The following CGNL1 variants were observed in gnomAD, a reference collection of about 807,000 sequenced individuals.
CGNL1 encodes cingulin like 1, also known as cingulin-like protein 1.
Under a neutral mutation model 141.2 loss-of-function variants are expected in CGNL1, and 132 were observed. The observed-to-expected ratio is 0.93, with a 90% CI of 0.81 to 1.08. CGNL1 has a LOEUF of 1.08. Among genes scored for constraint, CGNL1 ranks in the 50% least tolerant of loss-of-function variants. The pLI is 0.00. For synonymous variants in CGNL1, 690 were observed against 622.1 expected (o/e 1.11, Z -1.63); for missense variants, 1,870 against 1,588.6 (o/e 1.18, Z -3.01).
At chr15:57,496,895 C>T (rs1318875810) in intron 8 of CGNL1, among the ~76,000 whole-genome samples, 1 of 152,166 alleles carries the variant, frequency 6.6e-6, no homozygotes, top group East Asian at 1.9e-4. Flanking sequence ...CAGATGGGTG[C>T]TGATAGACTC....
chr15:57,463,830 C>A (rs1441659833), intron 8 of CGNL1, among the ~76,000 whole-genome samples: 1 of 152,192 alleles, frequency 6.6e-6, no homozygotes, highest in Admixed American at 6.5e-5. Context: ...GCTTTGCCAT[C>A]TGAACAGGCT....
chr15:57,488,523 G>C lies in CGNL1; in HGVS notation c.2403+26631G>C, dbSNP rs2063815643. On this transcript the variant is annotated intron_variant, in intron 8 of 18. Transcript: ENST00000281282. ...GTCGAGTGAGAAGTGAGCAGAACTG[G>C]TGTAGGGACTGCTTCTACTGAAGGG... Among the ~76,000 whole-genome samples the C allele has an allele frequency of 3.3e-5, 5 of 152,296 alleles. No homozygotes were observed. In the South Asian group the frequency reaches 1.0e-3, roughly 32 times the overall value.
intron 1 of CGNL1, among the ~76,000 whole-genome samples, chr15:57,377,800 G>A (rs2062381686): frequency 6.6e-6 from 1 of 150,808 alleles, no homozygotes; most frequent in East Asian, 1.9e-4. Flanking sequence ...AAAACCAAGT[G>A]ATAATTTGAC....
In CGNL1 at chr15:57,546,275, T is replaced by A. The variant is rs749823131; in HGVS notation, c.3773+36T>A. On this transcript the variant is annotated intron_variant, in intron 18 of 18. Transcript: ENST00000281282. ...GTGGAGGCCACAGAGGGCCGGGTAA[T>A]CTCCCCACAGTTGAGACAGGCTCTG... 10 of 1,535,018 alleles carry A rather than the reference T, an allele frequency of 6.5e-6. No individual in the cohort carries two copies. In the South Asian group the frequency reaches 9.8e-5, roughly 15 times the overall value.
Position 57,524,641 on chromosome 15 carries a change from G to A in CGNL1, c.2929G>A (p.Glu977Lys). 8.1e-6 allele frequency: 13 copies of A among 1,614,146 alleles called. No homozygotes were observed. Among genetic ancestry groups the A allele is most frequent in the Non-Finnish European group, 9.3e-6 (11 of 1,179,974 alleles). The stretch of plus-strand genomic sequence containing the variant: ...CCTGGAGCTCCAGAACCAGCTGGAT[G>A]AGTATAAGGAGAAAAACCGCAGGGA... ...STLELQNQLD[E>K]YKEKNRRELA... Residue 977 changes from glutamate to lysine, a missense_variant, in exon 12 of 19, where the codon GAG becomes AAG. Physicochemically the swap from Glu to Lys is moderately conservative, Grantham distance 56. Coordinates refer to ENST00000281282, the MANE Select transcript of CGNL1 (RefSeq NM_032866.5).
chr15:57,527,613 C>T (rs1334508049), intron 12 of CGNL1: 1 of 152,262 alleles, frequency 6.6e-6, no homozygotes, highest in Non-Finnish European at 1.5e-5. Context: ...TAGAGAAGTT[C>T]AAGACACTGA....
At chr15:57,503,240 C>T (rs1324486385) in intron 8 of CGNL1, among the ~76,000 whole-genome samples, 1 of 152,222 alleles carries the variant, frequency 6.6e-6, no homozygotes, top group Non-Finnish European at 1.5e-5. Context: ...TCCTCCTACT[C>T]CTGATGAGGT....
Position 57,431,713 on chromosome 15 carries a change from C to G in CGNL1, c.-15-6272C>G, listed in dbSNP as rs113146200. Among the ~76,000 whole-genome samples, 12 of 143,094 alleles carry G rather than the reference C, an allele frequency of 8.4e-5. 2 individuals are homozygous for G. The highest frequency in any genetic ancestry group is 3.1e-4 in the African/African-American group (12 of 39,014). The allele number at this position is 143,094 out of a possible 152,430, so 93.9% of individuals were successfully genotyped here. On this transcript the variant is annotated intron_variant, in intron 1 of 18. Transcript: ENST00000281282. ...AGCAAATTCGTAAACATTCTTAAAA[C>G]ATTTTGAGTTTTTTTTGTAATTTTT...
intron 1 of CGNL1, among the ~76,000 whole-genome samples, chr15:57,400,896 A>G (rs1242071260): frequency 6.6e-6 from 1 of 151,018 alleles, no homozygotes; most frequent in Non-Finnish European, 1.5e-5. Context: ...TTAAAAAAAA[A>G]AAAAAAAAAA....
At chr15:57,519,483 A>G (rs554902968) in intron 10 of CGNL1, among the ~76,000 whole-genome samples, 1 of 151,378 alleles carries the variant, frequency 6.6e-6, no homozygotes, top group Non-Finnish European at 1.5e-5. Context: ...TAGCTTGGGG[A>G]CTCTCCCCCA....
chr15:57,420,875 A>G (rs1423130195), intron 1 of CGNL1, among the ~76,000 whole-genome samples: 2 of 152,252 alleles, frequency 1.3e-5, no homozygotes, highest in African/African-American at 4.8e-5. Flanking sequence ...TGGTGGCTCC[A>G]TGCTGCTGGA....
intron 1 of CGNL1, among the ~76,000 whole-genome samples, chr15:57,423,417 G>C (rs1487699469): frequency 2.1e-5 from 3 of 143,148 alleles, no homozygotes; most frequent in African/African-American, 7.9e-5. Flanking sequence ...GTGTGGGATG[G>C]GTATCTGTTT....
chr15:57,440,109 T>TAA (rs34790913), intron 2 of CGNL1, among the ~76,000 whole-genome samples: 2,844 of 142,854 alleles, frequency 0.02, 37 homozygotes, highest in East Asian at 0.046. Context: ...GATAAAATGG[T>TAA]AAAAAAAAAA....
chr15:57,405,803 TTTCTTTCC>T (rs748473788), intron 1 of CGNL1, among the ~76,000 whole-genome samples: 1,573 of 125,416 alleles, frequency 0.013, 21 homozygotes, highest in Admixed American at 0.031. Flanking sequence ...TCTTTCTTTC[TTTCTTTCC>T]TTCTTTCTTT....
intron 12 of CGNL1, among the ~76,000 whole-genome samples, chr15:57,527,934 G>A (rs543925356): frequency 6.6e-6 from 1 of 152,142 alleles, no homozygotes; most frequent in Non-Finnish European, 1.5e-5. Flanking sequence ...AGGGGCTCTC[G>A]AGAGGTTTTA....
At chr15:57,530,778 G>A (rs959639355) in intron 13 of CGNL1, among the ~76,000 whole-genome samples, 6 of 152,194 alleles carry the variant, frequency 3.9e-5, no homozygotes, top group Non-Finnish European at 8.8e-5. Context: ...AGAATCCTGG[G>A]TGTTTTATTG....
chr15:57,467,396 G>A (rs558321719), intron 8 of CGNL1, among the ~76,000 whole-genome samples: 33 of 152,206 alleles, frequency 2.2e-4, no homozygotes, highest in African/African-American at 7.9e-4. Flanking sequence ...GGACATTTTG[G>A]GTACTGAGTA....
chr15:57,532,667 A>G (rs1226523285), intron 14 of CGNL1, among the ~76,000 whole-genome samples: 1 of 152,232 alleles, frequency 6.6e-6, no homozygotes, highest in Non-Finnish European at 1.5e-5. Flanking sequence ...TTGAACGTGA[A>G]TGCTTCATAG....
chr15:57,439,156 C>T lies in CGNL1; in HGVS notation c.1157C>T (p.Ser386Phe), dbSNP rs1248584535. The T allele has an allele frequency of 6.2e-7, 1 of 1,614,146 alleles. No individual in the cohort carries two copies. The highest frequency in any genetic ancestry group is 8.5e-7 in the Non-Finnish European group (1 of 1,180,014). Reference sequence around the variant, plus strand: ...ATTAATACAGATGACAGGAAAAGATCCAGAAGCGTGGATAGCGCCTTTCCT... The same window carrying T: ...ATTAATACAGATGACAGGAAAAGATTCAGAAGCGTGGATAGCGCCTTTCCT... ...NRINTDDRKR[S>F]RSVDSAFPFG... Residue 386 changes from serine to phenylalanine, a missense_variant, in exon 2 of 19, where the codon TCC (serine) becomes TTC (phenylalanine). Transcript: ENST00000281282.
Sources: allele counts gnomAD v4.1 joint callset (sites outside exome capture counted in the v4.1 genomes callset), GRCh38; gene constraint gnomAD v4.1.1; transcripts MANE v1.5; gene names NCBI Gene and HGNC (gene_info 2026-07-23, HGNC 2026-07-21).